BBS9: variants seen among roughly 807,000 people sequenced by gnomAD.
BBS9 encodes the protein protein PTHB1.
A neutral mutation model predicts 117.7 loss-of-function variants in BBS9; 89 were observed. The observed-to-expected ratio is 0.76, with a 90% CI of 0.64 to 0.90. BBS9 has a LOEUF of 0.90. BBS9 is among the 40% of genes least tolerant of loss of function. BBS9 has a pLI of 0.00. For missense variants in BBS9, 982 were observed against 1,042.2 expected, an observed-to-expected ratio of 0.94 and a Z score of 0.80; for synonymous variants, 379 against 370.9, an observed-to-expected ratio of 1.02 and a Z score of -0.25.
Position 33,565,805 on chromosome 7 carries a change from A to ACTGC in BBS9, c.2521+31629_2521+31630insCTGC, listed in dbSNP as rs1181834615. 9.0e-4 allele frequency among the ~76,000 whole-genome samples: 50 copies of ACTGC among 55,552 alleles called. 1 individual carries two copies. Among genetic ancestry groups the ACTGC allele is most frequent in the African/African-American group, 5.5e-3 (40 of 7,236 alleles). The allele number at this position is 55,552 out of a possible 152,430, so 36.4% of individuals were successfully genotyped here. The stretch of plus-strand genomic sequence containing the variant: ...AGTATATATATATATATATATATAT[A>ACTGC]TATATATATATATATATATATACCG... On this transcript the variant is annotated intron_variant, in intron 21 of 22. Transcript: ENST00000242067.
chr7:33,334,997 G>A (rs1352732823), intron 9 of BBS9, among the ~76,000 whole-genome samples: 3 of 152,158 alleles, frequency 2.0e-5, no homozygotes, highest in Non-Finnish European at 4.4e-5. Context: ...GTGGATGCTG[G>A]TGACCATCTT....
chr7:33,483,841 T>C (rs1466270353), intron 19 of BBS9, among the ~76,000 whole-genome samples: 1 of 152,140 alleles, frequency 6.6e-6, no homozygotes, highest in Non-Finnish European at 1.5e-5. Context: ...TCTTGCTTTG[T>C]TACCCAGGCT....
At chr7:33,362,253 G>C (rs1219369047) in intron 16 of BBS9, among the ~76,000 whole-genome samples, 1 of 152,182 alleles carries the variant, frequency 6.6e-6, no homozygotes, top group South Asian at 2.1e-4. Context: ...CTTTGGAAAA[G>C]CAGAAGTTCT....
chr7:33,529,875 AG>A (rs1850297072), intron 20 of BBS9, among the ~76,000 whole-genome samples: 1 of 152,244 alleles, frequency 6.6e-6, no homozygotes, highest in Non-Finnish European at 1.5e-5. Context: ...TAAAAGATAA[AG>A]GTTAGGTATG....
chr7:33,527,889 T>TA (rs1163097179), intron 20 of BBS9, among the ~76,000 whole-genome samples: 2 of 152,230 alleles, frequency 1.3e-5, no homozygotes, highest in East Asian at 3.8e-4. Context: ...AATCTGAACC[T>TA]AGATGTTTCC....
chr7:33,408,033 C>T (rs962322960), intron 19 of BBS9, among the ~76,000 whole-genome samples: 35 of 152,340 alleles, frequency 2.3e-4, no homozygotes, highest in African/African-American at 7.5e-4. Context: ...GTGCCCTGCC[C>T]CCAGAGGTGG....
chr7:33,381,283 C>G (rs2128743927), intron 17 of BBS9, among the ~76,000 whole-genome samples: 1 of 152,200 alleles, frequency 6.6e-6, no homozygotes, highest in African/African-American at 2.4e-5. Context: ...AATGATTGGT[C>G]CTGAATCAGT....
At chr7:33,481,805 G>A (rs1315063156) in intron 19 of BBS9, among the ~76,000 whole-genome samples, 1 of 152,130 alleles carries the variant, frequency 6.6e-6, no homozygotes, top group Non-Finnish European at 1.5e-5. Context: ...AATATAGGGA[G>A]ATATTTTAAG....
At chr7:33,432,275 A>ATTT (rs554909955) in intron 19 of BBS9, among the ~76,000 whole-genome samples, 8,703 of 141,800 alleles carry the variant, frequency 0.061, 643 homozygotes, top group African/African-American at 0.18. Context: ...TGCCCGGCTA[A>ATTT]TTTTTTTTTT....
Position 33,332,157 on chromosome 7 carries a change from G to A in BBS9, c.1017-4284G>A, listed in dbSNP as rs141681756. Among the ~76,000 whole-genome samples the A allele has an allele frequency of 4.1e-4, 61 of 148,520 alleles. 1 individual carries two copies. Among genetic ancestry groups the A allele is most frequent in the East Asian group, 6.7e-4 (3 of 4,484 alleles). ...ACCCAGAAATAAAGCCAGACTTCGAGCGAACTGATCTTTGACAAAGCATAC... is the reference window on the plus strand; with the variant it reads ...ACCCAGAAATAAAGCCAGACTTCGAACGAACTGATCTTTGACAAAGCATAC... On this transcript the variant is annotated intron_variant, in intron 9 of 22. Coordinates refer to ENST00000242067, the MANE Select transcript of BBS9 (RefSeq NM_198428.3).
chr7:33,191,184 A>G (rs1377548558), intron 5 of BBS9, among the ~76,000 whole-genome samples: 6 of 152,170 alleles, frequency 3.9e-5, no homozygotes, highest in Non-Finnish European at 8.8e-5. Flanking sequence ...AGTCTTTTAC[A>G]TGCTCAGGGT....
intron 21 of BBS9, among the ~76,000 whole-genome samples, chr7:33,571,947 A>G (rs1266002034): frequency 1.3e-5 from 2 of 151,980 alleles, no homozygotes; most frequent in Non-Finnish European, 2.9e-5. Flanking sequence ...GAACATATCA[A>G]TTCCACTCCT....
intron 21 of BBS9, among the ~76,000 whole-genome samples, chr7:33,633,510 CTTTTTTTTTTTT>C (rs894796851): frequency 1.0e-5 from 1 of 98,462 alleles, no homozygotes; most frequent in Admixed American, 1.1e-4. Flanking sequence ...TAACTTTTTT[CTTTTTTTTTTTT>C]TTTTTTTTGA....
intron 21 of BBS9, among the ~76,000 whole-genome samples, chr7:33,630,697 C>T (rs1423235070): frequency 2.0e-5 from 3 of 152,186 alleles, no homozygotes; most frequent in Admixed American, 6.5e-5. Context: ...TTCATCACCC[C>T]TCTTCCTCTG....
chr7:33,262,705 C>T (rs1481886066), intron 6 of BBS9, among the ~76,000 whole-genome samples: 1 of 152,186 alleles, frequency 6.6e-6, no homozygotes, highest in South Asian at 2.1e-4. Context: ...TCATGCATCT[C>T]TCCTAAACTC....
intron 21 of BBS9, among the ~76,000 whole-genome samples, chr7:33,630,115 T>C (rs1315544205): frequency 1.3e-5 from 2 of 152,216 alleles, no homozygotes; most frequent in African/African-American, 4.8e-5. Flanking sequence ...TTTGATATGA[T>C]TAGCTGCTTT....
At chr7:33,221,949 A>G (rs1011679173) in intron 5 of BBS9, among the ~76,000 whole-genome samples, 3 of 152,228 alleles carry the variant, frequency 2.0e-5, no homozygotes, top group African/African-American at 4.8e-5. Flanking sequence ...ACTTTTGGCT[A>G]AAGACCAAAT....
intron 7 of BBS9, among the ~76,000 whole-genome samples, chr7:33,271,246 A>C (rs1006999490): frequency 6.6e-6 from 1 of 152,236 alleles, no homozygotes; most frequent in Non-Finnish European, 1.5e-5. Context: ...GTTACTAACC[A>C]ATACAAAAAA....
chr7:33,249,648 A>G (rs1008267902), intron 5 of BBS9, among the ~76,000 whole-genome samples: 1 of 152,198 alleles, frequency 6.6e-6, no homozygotes, highest in African/African-American at 2.4e-5. Flanking sequence ...ATTGTGCTCA[A>G]AATGACTAGA....
Sources: gnomAD v4.1 joint callset for allele counts (sites outside exome capture counted in the v4.1 genomes callset) on GRCh38, gnomAD v4.1.1 for gene constraint, MANE v1.5 for transcripts, NCBI Gene and HGNC (gene_info 2026-07-23, HGNC 2026-07-21) for gene names.